The following MEGF9 variants were observed in gnomAD, a reference collection of about 807,000 sequenced individuals.
MEGF9 encodes multiple epidermal growth factor-like domains protein 9.
In MEGF9, 6 loss-of-function variants were observed where a neutral mutation model predicts 46.8. That is an observed-to-expected ratio of 0.13 (90% CI 0.07 to 0.25). MEGF9 has a LOEUF of 0.25. MEGF9 is among the 10% of genes least tolerant of loss of function. The probability of loss-of-function intolerance (pLI) is 1.00; values close to 1 mark genes in which losing one functional copy is unlikely to be tolerated. For synonymous variants in MEGF9, 302 were observed against 330.7 expected (o/e 0.91, Z 0.94); for missense variants, 683 against 792.4 (o/e 0.86, Z 1.66).
At chr9:120,675,338 G>A (rs1257177222) in intron 1 of MEGF9, among the ~76,000 whole-genome samples, 1 of 152,158 alleles carries the variant, frequency 6.6e-6, no homozygotes, top group African/African-American at 2.4e-5. Flanking sequence ...TGTAATCCCG[G>A]CACTTGGGTG....
intron 1 of MEGF9, among the ~76,000 whole-genome samples, chr9:120,663,601 T>C (rs905139126): frequency 6.6e-6 from 1 of 151,970 alleles, no homozygotes; most frequent in African/African-American, 2.4e-5. Context: ...CACAAAGGAG[T>C]CTGCAACATG....
intron 1 of MEGF9, 136 bp downstream of exon 1, chr9:120,713,622 T>C (rs964703459): frequency 1.7e-6 from 2 of 1,182,396 alleles, no homozygotes; most frequent in African/African-American, 1.6e-5. Context: ...TAGCTGGACC[T>C]GGGATCCCCC....
chr9:120,685,545 A>T (rs542177645), intron 1 of MEGF9, among the ~76,000 whole-genome samples: 7 of 152,324 alleles, frequency 4.6e-5, no homozygotes, highest in African/African-American at 1.7e-4. Flanking sequence ...GAATTTGCCA[A>T]TTCTTTCTAC....
chr9:120,698,887 A>G (rs1487406731), intron 1 of MEGF9, among the ~76,000 whole-genome samples: 1 of 152,148 alleles, frequency 6.6e-6, no homozygotes, highest in Non-Finnish European at 1.5e-5. Context: ...TTAGGGTAGC[A>G]CCTAGGCCTT....
At chr9:120,632,797 C>G (rs535713138) in intron 2 of MEGF9, among the ~76,000 whole-genome samples, 1 of 152,050 alleles carries the variant, frequency 6.6e-6, no homozygotes, top group South Asian at 2.1e-4. Flanking sequence ...GTTTTTATCA[C>G]GAAGGAATGT....
intron 1 of MEGF9, among the ~76,000 whole-genome samples, chr9:120,677,036 G>T (rs2043776079): frequency 6.6e-6 from 1 of 152,130 alleles, no homozygotes; most frequent in Admixed American, 6.5e-5. Context: ...TCCTTTAAAA[G>T]AAGGGGAGGA....
chr9:120,711,576 T>G (rs1041482017), intron 1 of MEGF9, among the ~76,000 whole-genome samples: 3 of 152,204 alleles, frequency 2.0e-5, no homozygotes, highest in African/African-American at 7.2e-5. Context: ...TGTGGACTTC[T>G]GGTTGTTTAT....
rs1056560164 is a variant in MEGF9, at chr9:120,640,588, G to A, written c.804-17833C>T. ...CTTTGTTTAATGATTGCATAATCTG[G>A]CTCCAAAGTCTATGTGTGCTTTCTT... is the stretch of plus-strand genomic sequence containing the variant. On this transcript the variant is annotated intron_variant, in intron 2 of 5. Transcript: ENST00000373930. 6.6e-5 allele frequency among the ~76,000 whole-genome samples: 10 copies of A among 151,984 alleles called. No homozygotes were observed. The East Asian group carries it at 1.9e-3, about 29-fold the overall frequency.
At chr9:120,690,639 A>G (rs2043844105) in intron 1 of MEGF9, among the ~76,000 whole-genome samples, 1 of 152,142 alleles carries the variant, frequency 6.6e-6, no homozygotes, top group South Asian at 2.1e-4. Flanking sequence ...TGACCAAGCA[A>G]CCAATATCCT....
At chr9:120,642,657 T>C (rs1201793455) in intron 2 of MEGF9, among the ~76,000 whole-genome samples, 1 of 152,242 alleles carries the variant, frequency 6.6e-6, no homozygotes, top group South Asian at 2.1e-4. Context: ...TCTGTAAAAA[T>C]GTTTCCTTCA....
intron 3 of MEGF9, among the ~76,000 whole-genome samples, chr9:120,619,378 T>A (rs1336653690): frequency 6.6e-6 from 1 of 152,074 alleles, no homozygotes; most frequent in Non-Finnish European, 1.5e-5. Context: ...AAACATTTTA[T>A]CGAGAACATA....
chr9:120,661,373 C>G (rs983351128), intron 1 of MEGF9, among the ~76,000 whole-genome samples: 4 of 152,020 alleles, frequency 2.6e-5, no homozygotes, highest in African/African-American at 7.2e-5. Flanking sequence ...AAAAATTAGG[C>G]GGGCATCCTG....
intron 2 of MEGF9, among the ~76,000 whole-genome samples, chr9:120,636,987 A>G (rs1200052311): frequency 6.6e-6 from 1 of 152,232 alleles, no homozygotes; most frequent in Non-Finnish European, 1.5e-5. Flanking sequence ...GTTTTGTCCA[A>G]TAGAAAAGGG....
rs1169698413 is a variant in MEGF9, at chr9:120,605,940, G to A, written c.1358-299C>T. On this transcript the variant is annotated intron_variant, in intron 5 of 5. Transcript: ENST00000373930. This position sits in a 1 kb window ranked among gnomAD's most constrained non-coding sequence, Gnocchi z 4.0. ...TGTAATCCCAGCACTTTGGGCGGCC[G>A]AGGGTGGTGGATCACGAGGTCAGGA... Among the ~76,000 whole-genome samples the A allele has an allele frequency of 3.3e-5, 5 of 152,098 alleles. No individual in the cohort carries two copies. The highest frequency in any genetic ancestry group is 9.7e-5 in the African/African-American group (4 of 41,420).
chr9:120,704,017 G>A (rs2043917321), intron 1 of MEGF9, among the ~76,000 whole-genome samples: 1 of 151,196 alleles, frequency 6.6e-6, no homozygotes, highest in South Asian at 2.1e-4. Context: ...CACTAGGAAA[G>A]AAGTAAATAT....
chr9:120,631,950 A>G (rs1285031426), intron 2 of MEGF9, among the ~76,000 whole-genome samples: 1 of 149,456 alleles, frequency 6.7e-6, no homozygotes, highest in Non-Finnish European at 1.5e-5. Context: ...TTTTTTTGAG[A>G]TGGAGTCTCA....
In MEGF9 at chr9:120,713,759, T is replaced by G; in HGVS notation, c.600A>C (p.Pro200=). 2.3e-6 allele frequency: 3 copies of G among 1,286,588 alleles called. No homozygotes were observed. The highest frequency in any genetic ancestry group is 6.4e-5 in the South Asian group (2 of 31,284). The allele number at this position is 1,286,588 out of a possible 1,614,324, so 79.7% of individuals were successfully genotyped here. A position where few individuals can be genotyped will look rare whatever the true frequency, so the allele number is the denominator to read the frequency against. ...CCCGAGAGGGAGCGCCGGACTCACC[T>G]GGAGGAGGCGAAGAGGGGGCCTCGG... ...PATEAPSSPP[P]EYVCNCSVVG... is the part of the protein sequence containing the mutation. Residue 200 remains proline, a splice_region_variant and synonymous_variant, in exon 1 of 6, where the codon CCA becomes CCC. Transcript: ENST00000373930.
chr9:120,607,765 G>T lies in MEGF9; in HGVS notation c.1333C>A (p.Leu445Ile). ...CCTTTCTTGATGCAATTTCCCTCGA[G>T]GTCGTGAACATAACCTTCTAGGCAG... ...ENCLEGYVHD[L>I]EGNCIKKEVI... The change falls in exon 5 of 6, where the codon CTC becomes ATC. Residue 445 changes from leucine to isoleucine, a missense_variant. Physicochemically the swap from Leu to Ile is conservative, Grantham distance 5. Around this residue, in one of 2 missense-constraint regions of MEGF9, gnomAD observed 313 missense variants for 421.1 expected, o/e 0.74. Coordinates refer to ENST00000373930, the MANE Select transcript of MEGF9 (RefSeq NM_001080497.3). 6.2e-7 allele frequency: 1 copy of T among 1,610,102 alleles called. No homozygotes were observed. Among genetic ancestry groups the T allele is most frequent in the South Asian group, 1.1e-5 (1 of 91,038 alleles).
intron 3 of MEGF9, 21 bp downstream of exon 3, chr9:120,622,595 A>G: frequency 6.2e-7 from 1 of 1,612,036 alleles, no homozygotes; most frequent in Non-Finnish European, 8.5e-7. Flanking sequence ...ATTACATGAC[A>G]AAGTTAAGGA....
Sources: gnomAD v4.1 joint callset for allele counts (sites outside exome capture counted in the v4.1 genomes callset) on GRCh38, gnomAD v4.1.1 for gene constraint, gnomAD v4.1.1 regional missense constraint, Gnocchi (gnomAD v3.1) non-coding constraint, MANE v1.5 for transcripts, NCBI Gene and HGNC (gene_info 2026-07-23, HGNC 2026-07-21) for gene names.